The following BRAF variants were observed in gnomAD, a reference collection of about 807,000 sequenced individuals.
The protein encoded by BRAF is B-Raf proto-oncogene, serine/threonine kinase, also known as serine/threonine-protein kinase B-raf.
Under a neutral mutation model 104.6 loss-of-function variants are expected in BRAF, and 16 were observed. That is an observed-to-expected ratio of 0.15 (90% confidence interval 0.10 to 0.23). The LOEUF (loss-of-function observed/expected upper bound fraction) is 0.23, where lower values mean the gene tolerates loss of function less well. Among genes scored for constraint, BRAF ranks in the 10% least tolerant of loss-of-function variants. The probability of loss-of-function intolerance (pLI) is 1.00; values close to 1 mark genes in which losing one functional copy is unlikely to be tolerated. For missense variants in BRAF, 541 were observed against 937.3 expected, an observed-to-expected ratio of 0.58 and a Z score of 5.52; for synonymous variants, 310 against 341.6, an observed-to-expected ratio of 0.91 and a Z score of 1.02.
chr7:140,876,452 T>G (rs529132093), intron 1 of BRAF, among the ~76,000 whole-genome samples: 57 of 152,262 alleles, frequency 3.7e-4, no homozygotes, highest in African/African-American at 1.3e-3. Flanking sequence ...ACTAAACTGG[T>G]AAACCTAAAT....
At chr7:140,727,522 A>T (rs1379649766) in intron 19 of BRAF, among the ~76,000 whole-genome samples, 4 of 151,852 alleles carry the variant, frequency 2.6e-5, no homozygotes, top group Non-Finnish European at 4.4e-5. Flanking sequence ...CATAGTTTCT[A>T]CTTGTAACTA....
chr7:140,874,204 CTTT>C (rs551211923), intron 1 of BRAF, among the ~76,000 whole-genome samples: 8 of 137,630 alleles, frequency 5.8e-5, no homozygotes, highest in South Asian at 2.3e-4. Context: ...ATTTTACATA[CTTT>C]TTTTTTTTTT....
At chr7:140,784,425 G>T (rs1247131936) in intron 10 of BRAF, among the ~76,000 whole-genome samples, 1 of 152,022 alleles carries the variant, frequency 6.6e-6, no homozygotes, top group African/African-American at 2.4e-5. Flanking sequence ...TCACGGTTAT[G>T]ATCTACTAAG....
rs1372622858 is a variant in BRAF, at chr7:140,783,120, T to C, written c.1335A>G (p.Ser445=). 1.2e-6 allele frequency: 2 copies of C among 1,614,048 alleles called. No homozygotes were observed. The part of the protein sequence containing the change: ...TTGLSATPPA[S]LPGSLTNVKA... ...TCACGTTAGTTAGTGAGCCAGGTAA[T>C]GAGGCAGGGGGGGTAGCAGACAAAC... Residue 445 remains serine (S), a synonymous_variant, in exon 11 of 20, where the codon TCA becomes TCG. Transcript: ENST00000644969.
At chr7:140,880,370 A>C in intron 1 of BRAF, among the ~76,000 whole-genome samples, 1 of 152,186 alleles carries the variant, frequency 6.6e-6, no homozygotes, top group East Asian at 1.9e-4. Flanking sequence ...TCACATCTTC[A>C]GGATCCACTT....
Position 140,831,646 on chromosome 7 carries a change from C to T in BRAF, c.504+2963G>A, listed in dbSNP as rs141183421. 4.4e-3 allele frequency among the ~76,000 whole-genome samples: 672 copies of T among 152,246 alleles called. 8 individuals are homozygous for T. Among genetic ancestry groups the T allele is most frequent in the African/African-American group, 0.015 (638 of 41,554 alleles). On this transcript the variant is annotated intron_variant, in intron 3 of 19. Coordinates refer to ENST00000644969, the MANE Select transcript of BRAF (RefSeq NM_001374258.1). ...GTGCAATGTAAGGCTATACTGGGGA[C>T]TCAGGACTCAGCAACCCATTATCAG...
chr7:140,814,858 A>G (rs1804695873), intron 3 of BRAF, among the ~76,000 whole-genome samples: 1 of 145,660 alleles, frequency 6.9e-6, no homozygotes, highest in Non-Finnish European at 1.5e-5. Context: ...TCCATAGTAA[A>G]AAGTTTTTTA....
At chr7:140,854,639 G>A (rs1471904446) in intron 1 of BRAF, among the ~76,000 whole-genome samples, 1 of 152,038 alleles carries the variant, frequency 6.6e-6, no homozygotes, top group Non-Finnish European at 1.5e-5. Context: ...TTTTCTTGCT[G>A]GGGTATAAAA....
chr7:140,806,237 G>T (rs62484288), intron 5 of BRAF, among the ~76,000 whole-genome samples: 8,592 of 152,180 alleles, frequency 0.056, 289 homozygotes, highest in South Asian at 0.11. Flanking sequence ...TTCTGTCTCT[G>T]AGAAACCTTC....
At chr7:140,788,618 T>C (rs566933610) in intron 8 of BRAF, among the ~76,000 whole-genome samples, 1 of 152,224 alleles carries the variant, frequency 6.6e-6, no homozygotes, top group Admixed American at 6.5e-5. Context: ...TGAGACTCAG[T>C]TGCTCTGTCG....
At chr7:140,762,096 GCACCA>G (rs1798795392) in intron 14 of BRAF, among the ~76,000 whole-genome samples, 2 of 152,124 alleles carry the variant, frequency 1.3e-5, no homozygotes, top group South Asian at 2.1e-4. Flanking sequence ...ATTTTTTTCA[GCACCA>G]CACCACACCT....
chr7:140,788,517 T>C (rs1258292699), intron 8 of BRAF, among the ~76,000 whole-genome samples: 1 of 152,150 alleles, frequency 6.6e-6, no homozygotes, highest in African/African-American at 2.4e-5. Context: ...CTGGTTACAA[T>C]CATAAAAATA....
intron 1 of BRAF, among the ~76,000 whole-genome samples, chr7:140,907,455 G>A (rs952941865): frequency 2.0e-5 from 3 of 152,144 alleles, no homozygotes; most frequent in Admixed American, 2.0e-4. Flanking sequence ...TAGAGGTGGG[G>A]TTTCACTGTG....
At chr7:140,906,925 T>G (rs897799326) in intron 1 of BRAF, among the ~76,000 whole-genome samples, 2 of 151,928 alleles carry the variant, frequency 1.3e-5, no homozygotes, top group African/African-American at 4.8e-5. Flanking sequence ...TAGAAATTCA[T>G]TAACCTTCTT....
Position 140,723,594 on chromosome 7 carries a change from C to A in BRAF, c.*2900G>T, listed in dbSNP as rs1424504193. On this transcript the variant is annotated 3_prime_UTR_variant, in exon 20 of 20. Coordinates refer to ENST00000644969, the MANE Select transcript of BRAF (RefSeq NM_001374258.1). The stretch of plus-strand genomic sequence containing the variant: ...TTTTTGGTCAATATTATTTCAGTGG[C>A]AAAAGTCTAGGTCCTTGACTCTAAC... 2.9e-6 allele frequency: 3 copies of A among 1,049,128 alleles called. No individual in the cohort carries two copies. In the African/African-American group the frequency reaches 5.0e-5, roughly 17 times the overall value. The allele number at this position is 1,049,128 out of a possible 1,614,324, so 65.0% of individuals were successfully genotyped here.
rs1586676107 is a variant in BRAF at position 140,924,907 on chromosome 7, G to T, written c.-204C>A. 1 of 159,438 alleles carries T rather than the reference G, an allele frequency of 6.3e-6. No individual in the cohort carries two copies. The allele number at this position is 159,438 out of a possible 1,614,324, so 9.9% of individuals were successfully genotyped here. ...CCGGCCCGCGGCCCCGGGCGCAGCC[G>T]AGCCTGAGGGGATTGGGGGAAGGAC... On this transcript the variant is annotated 5_prime_UTR_variant, in exon 1 of 20. Coordinates refer to ENST00000644969, the MANE Select transcript of BRAF (RefSeq NM_001374258.1). The surrounding 1 kb of genome is among the most constrained non-coding windows in gnomAD (Gnocchi z 4.2).
chr7:140,848,669 T>A (rs1373050905), intron 2 of BRAF, among the ~76,000 whole-genome samples: 2 of 152,218 alleles, frequency 1.3e-5, no homozygotes, highest in African/African-American at 4.8e-5. Flanking sequence ...TAATAAAAAA[T>A]TGCCATTCTC....
chr7:140,876,528 T>C (rs1289262205), intron 1 of BRAF, among the ~76,000 whole-genome samples: 1 of 152,174 alleles, frequency 6.6e-6, no homozygotes, highest in African/African-American at 2.4e-5. Context: ...ACAAGATTGT[T>C]AGAATGAATT....
At chr7:140,718,322 C>CT (rs1795181710), downstream of BRAF, among the ~76,000 whole-genome samples, 1 of 152,118 alleles carries the variant, frequency 6.6e-6, no homozygotes, top group Non-Finnish European at 1.5e-5. Context: ...TGCAATGGCA[C>CT]AATCTCGGTC....
Sources: gnomAD v4.1 joint callset for allele counts (sites outside exome capture counted in the v4.1 genomes callset) on GRCh38, gnomAD v4.1.1 for gene constraint, Gnocchi (gnomAD v3.1) non-coding constraint, MANE v1.5 for transcripts, NCBI Gene and HGNC (gene_info 2026-07-23, HGNC 2026-07-21) for gene names.